CDC14A: variants seen among roughly 807,000 people sequenced by gnomAD.
CDC14A encodes dual specificity protein phosphatase CDC14A.
CDC14A carries 53 observed loss-of-function variants against 74.4 expected under a neutral mutation model. The ratio of observed to expected loss-of-function variants is 0.71; its 90% confidence interval spans 0.57 to 0.89. The LOEUF (loss-of-function observed/expected upper bound fraction) is 0.89, where lower values mean the gene tolerates loss of function less well. Ranked by LOEUF, CDC14A falls within the 40% of genes least tolerant of loss-of-function variation. CDC14A has a pLI of 0.00. For missense variants in CDC14A, 646 were observed against 713.7 expected, an observed-to-expected ratio of 0.91 and a Z score of 1.08; for synonymous variants, 247 against 258.4, an observed-to-expected ratio of 0.96 and a Z score of 0.43.
rs186717626 is a variant in CDC14A, at chr1:100,358,141, A to C, written c.140+4289A>C. On this transcript the variant is annotated intron_variant, in intron 2 of 15. Transcript: ENST00000336454. ...CAGGTCAGAGTTAAAATCAAAGTAT[A>C]GGCTAACACACTAGTGGTACAAAAA... is the stretch of plus-strand genomic sequence containing the variant. Among the ~76,000 whole-genome samples, 8 of 152,334 alleles carry C rather than the reference A, an allele frequency of 5.3e-5. No individual in the cohort carries two copies. In the East Asian group the frequency reaches 1.2e-3, roughly 22 times the overall value.
intron 15 of CDC14A, among the ~76,000 whole-genome samples, chr1:100,515,642 C>T (rs1314251106): frequency 6.6e-6 from 1 of 152,058 alleles, no homozygotes; most frequent in Admixed American, 6.5e-5. Context: ...GCCTCGGCCT[C>T]CCAAAGTGCT....
rs527578161 is a variant in CDC14A at position 100,500,744 on chromosome 1, A to G, written c.1755+1482A>G. Among the ~76,000 whole-genome samples the G allele has an allele frequency of 5.2e-3, 102 of 19,790 alleles. 1 individual carries two copies. Among genetic ancestry groups the G allele is most frequent in the African/African-American group, 0.045 (95 of 2,128 alleles). The allele number at this position is 19,790 out of a possible 152,430, so 13.0% of individuals were successfully genotyped here. ...CCAGCTGGGTGACAGAGCCACTCTC[A>G]AAAAAAAAAAAAAAAAAAAAAAAAA... On this transcript the variant is annotated intron_variant, in intron 15 of 15. Coordinates refer to ENST00000336454, the MANE Select transcript of CDC14A (RefSeq NM_003672.4).
At chr1:100,449,147 T>C (rs1435921523) in intron 7 of CDC14A, among the ~76,000 whole-genome samples, 1 of 152,184 alleles carries the variant, frequency 6.6e-6, no homozygotes, top group African/African-American at 2.4e-5. Flanking sequence ...CCATTTCTAT[T>C]CTAGAAAGTG....
intron 11 of CDC14A, among the ~76,000 whole-genome samples, chr1:100,491,572 A>ATATATATATATTTTT (rs1418515078): frequency 4.0e-5 from 1 of 25,104 alleles, no homozygotes; most frequent in African/African-American, 1.6e-4. Flanking sequence ...ATATATATAT[A>ATATATATATATTTTT]TTTTTTTTTT....
At chr1:100,372,983 T>C (rs1654693259) in intron 2 of CDC14A, among the ~76,000 whole-genome samples, 1 of 152,228 alleles carries the variant, frequency 6.6e-6, no homozygotes, top group South Asian at 2.1e-4. Context: ...ATTTTGTTTT[T>C]GTATCATTCA....
At chr1:100,473,675 A>ACC (rs936282874) in intron 10 of CDC14A, among the ~76,000 whole-genome samples, 1 of 152,098 alleles carries the variant, frequency 6.6e-6, no homozygotes, top group Non-Finnish European at 1.5e-5. Context: ...GGTGTGAGCC[A>ACC]CCCTGCCTGG....
intron 11 of CDC14A, among the ~76,000 whole-genome samples, chr1:100,490,561 T>C (rs930857706): frequency 2.6e-5 from 4 of 152,170 alleles, no homozygotes; most frequent in Non-Finnish European, 5.9e-5. Context: ...CCATGTGGTT[T>C]CCCGTACCCT....
chr1:100,420,055 C>CATAT (rs1158640575), intron 4 of CDC14A, among the ~76,000 whole-genome samples: 4 of 21,052 alleles, frequency 1.9e-4, no homozygotes, highest in Admixed American at 5.2e-4. Flanking sequence ...CACACACACA[C>CATAT]ACACACACAT....
chr1:100,387,456 A>G (rs1462336501), intron 3 of CDC14A, among the ~76,000 whole-genome samples: 3 of 152,218 alleles, frequency 2.0e-5, no homozygotes, highest in Non-Finnish European at 2.9e-5. Flanking sequence ...ACTGAATTCC[A>G]AAAATACCTA....
rs190273956 is a variant in CDC14A, at chr1:100,392,681, A to G, written c.309+1857A>G. On this transcript the variant is annotated intron_variant, in intron 4 of 15. Transcript: ENST00000336454. The stretch of plus-strand genomic sequence containing the variant: ...CTTTATTAGACAAGGTAATAAACCA[A>G]AAGTTTCCAACTTCCTGTACATGTT... Among the ~76,000 whole-genome samples the G allele has an allele frequency of 1.8e-4, 28 of 152,354 alleles. No homozygotes were observed. The East Asian group carries it at 5.2e-3, about 28-fold the overall frequency.
Position 100,418,922 on chromosome 1 carries a change from C to T in CDC14A, c.310-5300C>T, listed in dbSNP as rs577494554. ...GTGGATGGCCAGGAGTGGTAGCTCA[C>T]GCCTGTAATCCCAGCACTTTGGGAG... is the stretch of plus-strand genomic sequence containing the variant. On this transcript the variant is annotated intron_variant, in intron 4 of 15. Transcript: ENST00000336454. Among the ~76,000 whole-genome samples, 36 of 152,278 alleles carry T rather than the reference C, an allele frequency of 2.4e-4. 1 individual carries two copies. In the South Asian group the frequency reaches 5.6e-3, roughly 24 times the overall value.
At chr1:100,491,035 T>G (rs978331335) in intron 11 of CDC14A, among the ~76,000 whole-genome samples, 10 of 152,162 alleles carry the variant, frequency 6.6e-5, no homozygotes, top group Non-Finnish European at 8.8e-5. Flanking sequence ...AAGGCAATAA[T>G]AAGTCTTCAT....
At chr1:100,497,597 C>T (rs550916306) in intron 13 of CDC14A, among the ~76,000 whole-genome samples, 4 of 152,262 alleles carry the variant, frequency 2.6e-5, no homozygotes, top group African/African-American at 7.2e-5. Context: ...AAGATGGCCT[C>T]GCCTAGGGTA....
At chr1:100,413,771 C>T (rs533712307) in intron 4 of CDC14A, among the ~76,000 whole-genome samples, 3 of 152,220 alleles carry the variant, frequency 2.0e-5, no homozygotes, top group African/African-American at 7.2e-5. Context: ...GCCCTGCTTT[C>T]CACTGCCTCA....
chr1:100,467,402 C>T (rs775650876), intron 9 of CDC14A, among the ~76,000 whole-genome samples: 47 of 151,044 alleles, frequency 3.1e-4, no homozygotes, highest in Non-Finnish European at 3.4e-4. Flanking sequence ...GTTTTACACA[C>T]GCGCGCACAC....
chr1:100,376,074 C>T (rs957008275), intron 2 of CDC14A, among the ~76,000 whole-genome samples: 5 of 152,102 alleles, frequency 3.3e-5, no homozygotes, highest in Non-Finnish European at 7.4e-5. Context: ...CGCATGTTCT[C>T]ACTCATAGGT....
intron 15 of CDC14A, among the ~76,000 whole-genome samples, chr1:100,506,307 T>C (rs1649232004): frequency 6.6e-6 from 1 of 152,212 alleles, no homozygotes; most frequent in South Asian, 2.1e-4. Flanking sequence ...GTGGCATTGC[T>C]TTAGATTTGA....
chr1:100,457,290 A>G (rs1666800392), intron 8 of CDC14A, among the ~76,000 whole-genome samples: 2 of 152,200 alleles, frequency 1.3e-5, no homozygotes, highest in African/African-American at 4.8e-5. Flanking sequence ...TTTTTAACAA[A>G]AGTGGCATCA....
intron 5 of CDC14A, among the ~76,000 whole-genome samples, chr1:100,432,329 C>T (rs6704101): frequency 0.02 from 3,014 of 152,270 alleles, 110 homozygotes; most frequent in African/African-American, 0.069. Flanking sequence ...CTTTGGACAA[C>T]TGTGTAAAGT....
Sources: allele counts gnomAD v4.1 joint callset (sites outside exome capture counted in the v4.1 genomes callset), GRCh38; gene constraint gnomAD v4.1.1; transcripts MANE v1.5; gene names NCBI Gene and HGNC (gene_info 2026-07-23, HGNC 2026-07-21).